Variants in CFAP61 observed in about 807,000 individuals in gnomAD.
The protein encoded by CFAP61 is cilia- and flagella-associated protein 61.
Under a neutral mutation model 135.6 loss-of-function variants are expected in CFAP61, and 107 were observed. The ratio of observed to expected loss-of-function variants is 0.79; its 90% confidence interval spans 0.67 to 0.93. The LOEUF (loss-of-function observed/expected upper bound fraction) is 0.93, where lower values mean the gene tolerates loss of function less well. CFAP61 is among the 40% of genes least tolerant of loss of function. The pLI is 0.00. For synonymous variants in CFAP61, 575 were observed against 578.5 expected, an observed-to-expected ratio of 0.99 and a Z score of 0.09; for missense variants, 1,507 against 1,556.2, an observed-to-expected ratio of 0.97 and a Z score of 0.53.
intron 8 of CFAP61, among the ~76,000 whole-genome samples, chr20:20,127,542 G>A (rs976483526): frequency 6.6e-6 from 1 of 150,838 alleles, no homozygotes; most frequent in Non-Finnish European, 1.5e-5. Context: ...GGTACGGGGG[G>A]TTGTCTGGAT....
intron 1 of CFAP61, among the ~76,000 whole-genome samples, chr20:20,053,387 A>G (rs1202184447): frequency 6.6e-6 from 1 of 152,224 alleles, no homozygotes; most frequent in Non-Finnish European, 1.5e-5. Flanking sequence ...ATCCTCCACC[A>G]GAGCAGTACA....
At chr20:20,207,419 G>A (rs1177539220) in intron 17 of CFAP61, among the ~76,000 whole-genome samples, 1 of 152,214 alleles carries the variant, frequency 6.6e-6, no homozygotes, top group African/African-American at 2.4e-5. Context: ...CAGAGCCAGG[G>A]TAATGAATGC....
chr20:20,307,612 AG>A (rs2122177832), intron 25 of CFAP61, among the ~76,000 whole-genome samples: 1 of 152,314 alleles, frequency 6.6e-6, no homozygotes, highest in African/African-American at 2.4e-5. Flanking sequence ...AATTTAAATG[AG>A]CAGATGTTTT....
At chr20:20,267,023 C>G (rs2052804995) in intron 21 of CFAP61, among the ~76,000 whole-genome samples, 1 of 152,130 alleles carries the variant, frequency 6.6e-6, no homozygotes, top group Admixed American at 6.5e-5. Context: ...CACCAGGGCC[C>G]TGATGAAGTT....
At chr20:20,124,874 T>A (rs912320775) in intron 8 of CFAP61, among the ~76,000 whole-genome samples, 1 of 151,820 alleles carries the variant, frequency 6.6e-6, no homozygotes, top group African/African-American at 2.4e-5. Flanking sequence ...TGGTAATTTT[T>A]AAATTACCAT....
At chr20:20,173,500 G>C (rs1025554882) in intron 13 of CFAP61, among the ~76,000 whole-genome samples, 6 of 152,198 alleles carry the variant, frequency 3.9e-5, no homozygotes, top group Non-Finnish European at 7.3e-5. Flanking sequence ...TTACCTCACT[G>C]TTTTAATGAC....
At chr20:20,332,289 A>G (rs1338392103) in intron 25 of CFAP61, among the ~76,000 whole-genome samples, 3 of 152,228 alleles carry the variant, frequency 2.0e-5, no homozygotes, top group African/African-American at 7.2e-5. Context: ...TAAGTGTCTA[A>G]ACATTATGCT....
intron 8 of CFAP61, among the ~76,000 whole-genome samples, chr20:20,109,639 C>T (rs556313117): frequency 5.8e-4 from 88 of 152,176 alleles, no homozygotes; most frequent in African/African-American, 1.1e-3. Context: ...CCCAAGTGCT[C>T]GGTCTAAAGC....
chr20:20,089,587 GAAA>G (rs11468839), intron 6 of CFAP61, among the ~76,000 whole-genome samples: 12 of 136,170 alleles, frequency 8.8e-5, no homozygotes, highest in African/African-American at 3.3e-4. Context: ...GAGTATCAGA[GAAA>G]AAAAAAAAAA....
chr20:20,224,569 A>T (rs1302614939), intron 17 of CFAP61, among the ~76,000 whole-genome samples: 1 of 152,100 alleles, frequency 6.6e-6, no homozygotes, highest in African/African-American at 2.4e-5. Context: ...GTTACTGTTG[A>T]TCTCTACACT....
At chr20:20,065,745 C>G (rs1386371367) in intron 2 of CFAP61, among the ~76,000 whole-genome samples, 1 of 151,774 alleles carries the variant, frequency 6.6e-6, no homozygotes, top group Non-Finnish European at 1.5e-5. Context: ...TAAATTTTAG[C>G]AGATTGGGCA....
intron 8 of CFAP61, among the ~76,000 whole-genome samples, chr20:20,117,251 G>C (rs1158529583): frequency 6.6e-6 from 1 of 152,130 alleles, no homozygotes; most frequent in African/African-American, 2.4e-5. Flanking sequence ...GGCTGAGGCA[G>C]GACAATCACT....
intron 23 of CFAP61, among the ~76,000 whole-genome samples, chr20:20,289,397 C>CCTAT (rs2054840053): frequency 6.6e-6 from 1 of 152,178 alleles, no homozygotes; most frequent in African/African-American, 2.4e-5. Flanking sequence ...CACTTTTATC[C>CCTAT]CATAAACCCT....
At chr20:20,181,420 A>G (rs530978194) in intron 13 of CFAP61, among the ~76,000 whole-genome samples, 4 of 152,068 alleles carry the variant, frequency 2.6e-5, no homozygotes, top group African/African-American at 9.6e-5. Context: ...ATTAAATACT[A>G]GAAACCCTGA....
intron 22 of CFAP61, among the ~76,000 whole-genome samples, chr20:20,280,369 A>G (rs2054111617): frequency 6.6e-6 from 1 of 152,174 alleles, no homozygotes; most frequent in Non-Finnish European, 1.5e-5. Context: ...TCCTGACAAT[A>G]CTTGGATTCT....
chr20:20,179,135 T>G (rs1413201653), intron 13 of CFAP61, among the ~76,000 whole-genome samples: 5 of 152,120 alleles, frequency 3.3e-5, no homozygotes, highest in African/African-American at 1.2e-4. Context: ...AATCTCATAG[T>G]CTCTGCCCCG....
chr20:20,253,115 G>A (rs1345833291), intron 20 of CFAP61, among the ~76,000 whole-genome samples: 4 of 152,114 alleles, frequency 2.6e-5, no homozygotes, highest in Non-Finnish European at 1.5e-5. Context: ...GGAGCAGGAG[G>A]CCATGGGATG....
intron 13 of CFAP61, among the ~76,000 whole-genome samples, chr20:20,181,388 A>G (rs896293332): frequency 1.3e-5 from 2 of 151,408 alleles, no homozygotes; most frequent in Non-Finnish European, 2.9e-5. Flanking sequence ...ATGATATTCT[A>G]CTTTATTGTG....
At chr20:20,133,624 A>G (rs1234851516) in intron 8 of CFAP61, among the ~76,000 whole-genome samples, 2 of 152,106 alleles carry the variant, frequency 1.3e-5, no homozygotes, top group African/African-American at 2.4e-5. Flanking sequence ...ACACAAAAAG[A>G]AGAATGCTGA....
Sources: gnomAD v4.1 joint callset for allele counts (sites outside exome capture counted in the v4.1 genomes callset) on GRCh38, gnomAD v4.1.1 for gene constraint, MANE v1.5 for transcripts, NCBI Gene and HGNC (gene_info 2026-07-23, HGNC 2026-07-21) for gene names.